GRB2: variants seen among roughly 807,000 people sequenced by gnomAD.
The protein encoded by GRB2 is growth factor receptor-bound protein 2.
Under a neutral mutation model 27.4 loss-of-function variants are expected in GRB2, and 2 were observed. The ratio of observed to expected loss-of-function variants is 0.07; its 90% CI spans 0.03 to 0.23. GRB2 has a LOEUF of 0.23. Among genes scored for constraint, GRB2 ranks in the 10% least tolerant of loss-of-function variants. The pLI, the probability that GRB2 is intolerant of heterozygous loss-of-function variation, is 1.00. For synonymous variants in GRB2, 94 were observed against 99.6 expected, an observed-to-expected ratio of 0.94 and a Z score of 0.33; for missense variants, 102 against 282.4, an observed-to-expected ratio of 0.36 and a Z score of 4.58.
intron 1 of GRB2, among the ~76,000 whole-genome samples, chr17:75,404,083 G>C (rs1598261081): frequency 6.6e-6 from 1 of 152,046 alleles, no homozygotes; most frequent in East Asian, 1.9e-4. Flanking sequence ...TTGCACTCCA[G>C]CCTGGGCAAA....
intron 1 of GRB2, 144 bp from the exon 2 acceptor site, chr17:75,393,909 C>T (rs542197255): frequency 8.2e-6 from 4 of 486,880 alleles, no homozygotes; most frequent in African/African-American, 3.9e-5. Flanking sequence ...AACAGCCCCC[C>T]CCCGCCGACT....
At position 75,320,459 on chromosome 17, in the gene GRB2, T is replaced by A; in HGVS notation, c.563A>T (p.Asn188Ile). 6.2e-7 allele frequency: 1 copy of A among 1,613,890 alleles called. No individual in the cohort carries two copies. The highest frequency in any genetic ancestry group is 1.3e-5 in the African/African-American group (1 of 74,968). Residue 188 changes from asparagine to isoleucine, a missense_variant, in exon 6 of 6, where the codon AAC becomes ATC. Asn to Ile is a moderately radical substitution (Grantham distance 149). Coordinates refer to ENST00000316804, the MANE Select transcript of GRB2 (RefSeq NM_002086.5). The surrounding 1 kb of genome is among the most constrained non-coding windows in gnomAD (Gnocchi z 4.3). ...TCCTTTCCACCAGTTGGGGTCTGAG[T>A]TATCCATGACATGGATAAAATCTCC... ...RRGDFIHVMD[N>I]SDPNWWKGAC...
intron 3 of GRB2, among the ~76,000 whole-genome samples, chr17:75,328,568 G>A (rs2078516313): frequency 6.6e-6 from 1 of 151,998 alleles, no homozygotes; most frequent in Non-Finnish European, 1.5e-5. Flanking sequence ...TGAATCTCCG[G>A]GAGGCAGAGG....
At chr17:75,391,904 AT>A (rs1427578047) in intron 2 of GRB2, among the ~76,000 whole-genome samples, 1 of 152,130 alleles carries the variant, frequency 6.6e-6, no homozygotes, top group Non-Finnish European at 1.5e-5. Flanking sequence ...AATGGGACAG[AT>A]TTAGAGAAAA....
intron 1 of GRB2, among the ~76,000 whole-genome samples, chr17:75,396,249 CTCTT>C (rs1444688411): frequency 6.6e-6 from 1 of 151,248 alleles, no homozygotes; most frequent in Admixed American, 6.6e-5. Flanking sequence ...TTTTTCTTTT[CTCTT>C]TTTTTTTGAG....
chr17:75,321,909 C>A, intron 4 of GRB2, 82 bp from the exon 5 acceptor site: 1 of 1,337,000 alleles, frequency 7.5e-7, no homozygotes, highest in Non-Finnish European at 1.0e-6. Flanking sequence ...GGAGCTATCT[C>A]GAGAGAACCA....
At chr17:75,377,090 G>A (rs2078898764) in intron 2 of GRB2, among the ~76,000 whole-genome samples, 1 of 151,074 alleles carries the variant, frequency 6.6e-6, no homozygotes, top group African/African-American at 2.4e-5. Context: ...GCTGAGATGG[G>A]AGGATCACTC....
chr17:75,351,762 TA>T (rs1331013140), intron 2 of GRB2, among the ~76,000 whole-genome samples: 1 of 152,192 alleles, frequency 6.6e-6, no homozygotes, highest in Non-Finnish European at 1.5e-5. Context: ...TCTTCGAGAA[TA>T]TAGGTGATAT....
At chr17:75,399,115 A>G (rs1005977296) in intron 1 of GRB2, among the ~76,000 whole-genome samples, 3 of 151,118 alleles carry the variant, frequency 2.0e-5, no homozygotes, top group Admixed American at 1.3e-4. Flanking sequence ...TGGAGCAATC[A>G]TGGTTCACTT....
At chr17:75,372,037 T>C (rs2078860121) in intron 2 of GRB2, 1 of 152,200 alleles carries the variant, frequency 6.6e-6, no homozygotes, top group Non-Finnish European at 1.5e-5. Context: ...ATTATGGTTT[T>C]GCTGAATTCA....
intron 2 of GRB2, among the ~76,000 whole-genome samples, chr17:75,335,496 G>C (rs1384548400): frequency 2.6e-5 from 4 of 152,080 alleles, no homozygotes; most frequent in Non-Finnish European, 5.9e-5. Context: ...CAATAGAAAG[G>C]GTAGATAAGA....
intron 2 of GRB2, among the ~76,000 whole-genome samples, chr17:75,381,334 T>C (rs2078926229): frequency 6.6e-6 from 1 of 152,172 alleles, no homozygotes; most frequent in African/African-American, 2.4e-5. Context: ...TAAGCTAAAG[T>C]AATTTAAATG....
At chr17:75,351,827 C>T (rs943744526) in intron 2 of GRB2, among the ~76,000 whole-genome samples, 14 of 152,112 alleles carry the variant, frequency 9.2e-5, no homozygotes, top group African/African-American at 3.4e-4. Flanking sequence ...TAACCAATTA[C>T]CAATTCAAAT....
intron 2 of GRB2, among the ~76,000 whole-genome samples, chr17:75,343,196 C>T (rs146009906): frequency 9.1e-4 from 138 of 152,122 alleles, no homozygotes; most frequent in Middle Eastern, 3.4e-3. Context: ...TAATCCCTCT[C>T]AGGATGGAGC....
At chr17:75,392,720 T>G (rs1262272771) in intron 2 of GRB2, among the ~76,000 whole-genome samples, 1 of 152,188 alleles carries the variant, frequency 6.6e-6, no homozygotes, top group Non-Finnish European at 1.5e-5. Flanking sequence ...AACATACTCT[T>G]TGATAACACT....
intron 2 of GRB2, among the ~76,000 whole-genome samples, chr17:75,335,089 C>A (rs1472036576): frequency 2.0e-5 from 3 of 152,042 alleles, no homozygotes. Context: ...CAGGTGTGAG[C>A]CACTGCGATT....
At chr17:75,348,161 T>C (rs2078666828) in intron 2 of GRB2, among the ~76,000 whole-genome samples, 1 of 152,136 alleles carries the variant, frequency 6.6e-6, no homozygotes, top group Non-Finnish European at 1.5e-5. Flanking sequence ...CCGTCTCAGA[T>C]CTTCCCACAA....
intron 2 of GRB2, among the ~76,000 whole-genome samples, chr17:75,379,882 T>G (rs562612636): frequency 6.6e-6 from 1 of 152,218 alleles, no homozygotes; most frequent in African/African-American, 2.4e-5. Context: ...TCTGGAAAAC[T>G]GCAATTTGTC....
At chr17:75,383,414 T>G (rs767999373) in intron 2 of GRB2, among the ~76,000 whole-genome samples, 8 of 152,222 alleles carry the variant, frequency 5.3e-5, no homozygotes, top group Non-Finnish European at 1.2e-4. Flanking sequence ...CTTTTATGCG[T>G]AGAGTCATGT....
Sources: allele counts gnomAD v4.1 joint callset (sites outside exome capture counted in the v4.1 genomes callset), GRCh38; gene constraint gnomAD v4.1.1; non-coding constraint Gnocchi (gnomAD v3.1); transcripts MANE v1.5; gene names NCBI Gene and HGNC (gene_info 2026-07-23, HGNC 2026-07-21).